Variants in IMMP2L observed in about 807,000 individuals in gnomAD.
IMMP2L encodes the protein mitochondrial inner membrane protease subunit 2.
IMMP2L carries 18 observed loss-of-function variants against 19.3 expected under a neutral mutation model. That is an observed-to-expected ratio of 0.93 (90% CI 0.64 to 1.38). The LOEUF is 1.38. Ranked by LOEUF, IMMP2L falls within the 40% of genes most tolerant of loss-of-function variation. The probability of loss-of-function intolerance (pLI) is 0.00; values close to 1 mark genes in which losing one functional copy is unlikely to be tolerated. For synonymous variants in IMMP2L, 76 were observed against 73.0 expected (o/e 1.04, Z -0.21); for missense variants, 233 against 218.2 (o/e 1.07, Z -0.43).
At chr7:111,209,674 T>G (rs1334329805) in intron 3 of IMMP2L, among the ~76,000 whole-genome samples, 1 of 152,128 alleles carries the variant, frequency 6.6e-6, no homozygotes, top group African/African-American at 2.4e-5. Context: ...AACATAATTG[T>G]GTTAAATAAG....
intron 5 of IMMP2L, among the ~76,000 whole-genome samples, chr7:110,702,753 T>C (rs1794370495): frequency 6.6e-6 from 1 of 152,184 alleles, no homozygotes; most frequent in Admixed American, 6.5e-5. Context: ...TTTTTTTGTA[T>C]ATTGACCTGT....
intron 1 of IMMP2L, among the ~76,000 whole-genome samples, chr7:111,538,055 TTTCC>T (rs1387248734): frequency 6.6e-6 from 1 of 152,092 alleles, no homozygotes; most frequent in Non-Finnish European, 1.5e-5. Context: ...CTGACTTAGA[TTTCC>T]TTCCTATGTG....
chr7:111,127,622 A>G (rs1801445149), intron 3 of IMMP2L, among the ~76,000 whole-genome samples: 1 of 152,160 alleles, frequency 6.6e-6, no homozygotes, highest in Non-Finnish European at 1.5e-5. Context: ...TCTCTCTGTT[A>G]CCTCTTAATC....
chr7:111,285,395 A>G (rs1227365031), intron 3 of IMMP2L, among the ~76,000 whole-genome samples: 1 of 152,180 alleles, frequency 6.6e-6, no homozygotes, highest in East Asian at 1.9e-4. Flanking sequence ...AGCCTTTAAA[A>G]TGATCAGAAA....
intron 3 of IMMP2L, among the ~76,000 whole-genome samples, chr7:111,370,303 T>A (rs1830152300): frequency 6.6e-6 from 1 of 151,482 alleles, no homozygotes; most frequent in Non-Finnish European, 1.5e-5. Context: ...CCTCCAGTAA[T>A]AACATGAATC....
chr7:111,525,984 C>G (rs1846809948), intron 1 of IMMP2L, among the ~76,000 whole-genome samples: 1 of 151,664 alleles, frequency 6.6e-6, no homozygotes, highest in Admixed American at 6.6e-5. Flanking sequence ...CCCCACTCCA[C>G]CCCCACCCCC....
At chr7:110,980,227 C>CTTTTTTTTTTTT (rs1218434499) in intron 3 of IMMP2L, among the ~76,000 whole-genome samples, 33 of 91,896 alleles carry the variant, frequency 3.6e-4, no homozygotes, top group Non-Finnish European at 5.3e-4. Flanking sequence ...TGTGCTGCTT[C>CTTTTTTTTTTTT]TTTTTTTTTT....
In IMMP2L at chr7:110,727,603, G is replaced by T. The variant is rs1312150732; in HGVS notation, c.409-63882C>A. Among the ~76,000 whole-genome samples, 1 of 151,812 alleles carries T rather than the reference G, an allele frequency of 6.6e-6. No homozygotes were observed. Among genetic ancestry groups the T allele is most frequent in the Non-Finnish European group, 1.5e-5 (1 of 67,922 alleles). On this transcript the variant is annotated intron_variant, in intron 5 of 5. Transcript: ENST00000405709. The surrounding 1 kb of genome is among the most constrained non-coding windows in gnomAD (Gnocchi z 4.3). The stretch of plus-strand genomic sequence containing the variant: ...AGACAAGGTAGGGAAAGAGAGAGGA[G>T]ACCAAGTATCCTTTCCCCACTGCAG...
At chr7:110,874,459 G>A (rs954549839) in intron 5 of IMMP2L, among the ~76,000 whole-genome samples, 6 of 151,936 alleles carry the variant, frequency 3.9e-5, no homozygotes, top group Non-Finnish European at 8.8e-5. Flanking sequence ...GCAGTGAGAT[G>A]GTTAGGGGTA....
chr7:110,861,869 G>A (rs988059223), intron 5 of IMMP2L, among the ~76,000 whole-genome samples: 1 of 152,014 alleles, frequency 6.6e-6, no homozygotes, highest in African/African-American at 2.4e-5. Flanking sequence ...TACCAAATAT[G>A]TGTCTATTAT....
rs192784843 is a variant in IMMP2L, at chr7:111,024,473, T to C, written c.240-60908A>G. On this transcript the variant is annotated intron_variant, in intron 3 of 5. Coordinates refer to ENST00000405709, the MANE Select transcript of IMMP2L (RefSeq NM_032549.4). ...AGCTCCATCACCTCAACCCAGGTAGTCTTCTGTGCTCTGTCTGGTTCCTCC... is the reference window on the plus strand; with the variant it reads ...AGCTCCATCACCTCAACCCAGGTAGCCTTCTGTGCTCTGTCTGGTTCCTCC... 1.1e-3 allele frequency among the ~76,000 whole-genome samples: 170 copies of C among 152,300 alleles called. 1 individual carries two copies. Among genetic ancestry groups the C allele is most frequent in the African/African-American group, 4.0e-3 (166 of 41,566 alleles).
intron 3 of IMMP2L, among the ~76,000 whole-genome samples, chr7:110,992,754 T>C (rs1156656889): frequency 6.6e-6 from 1 of 152,158 alleles, no homozygotes; most frequent in African/African-American, 2.4e-5. Context: ...TCTTAGCCAA[T>C]ATCAATACAA....
At chr7:111,313,362 A>G (rs777792978) in intron 3 of IMMP2L, among the ~76,000 whole-genome samples, 10 of 152,154 alleles carry the variant, frequency 6.6e-5, no homozygotes, top group Non-Finnish European at 1.0e-4. Flanking sequence ...CACAGGTTTT[A>G]TATCTTTGCA....
In IMMP2L at chr7:110,960,891, C is replaced by A. The variant is rs530507495; in HGVS notation, c.305+2609G>T. Among the ~76,000 whole-genome samples, 16 of 151,968 alleles carry A rather than the reference C, an allele frequency of 1.1e-4. No individual in the cohort carries two copies. In the South Asian group the frequency reaches 3.1e-3, roughly 30 times the overall value. On this transcript the variant is annotated intron_variant, in intron 4 of 5. Coordinates refer to ENST00000405709, the MANE Select transcript of IMMP2L (RefSeq NM_032549.4). ...GTGCAAATGATCTGAACAGTTATCT[C>A]ACCCAAAAAGAGATATGAATGGAAA...
chr7:110,816,207 C>T (rs1802501624), intron 5 of IMMP2L, among the ~76,000 whole-genome samples: 1 of 152,026 alleles, frequency 6.6e-6, no homozygotes, highest in South Asian at 2.1e-4. Flanking sequence ...TTATTTCTGC[C>T]TTCATTTCAT....
chr7:111,129,412 CTATAT>C (rs563359168), intron 3 of IMMP2L, among the ~76,000 whole-genome samples: 57 of 150,342 alleles, frequency 3.8e-4, no homozygotes, highest in African/African-American at 1.3e-3. Flanking sequence ...ATTATATTTA[CTATAT>C]TATATGTTAT....
chr7:111,425,279 TGAGAGGA>T (rs1835959640), intron 3 of IMMP2L, among the ~76,000 whole-genome samples: 1 of 145,008 alleles, frequency 6.9e-6, no homozygotes, highest in Non-Finnish European at 1.6e-5. Context: ...AGAAGGACCA[TGAGAGGA>T]CTTTCTGGGA....
chr7:111,518,696 T>C (rs1846081718), intron 2 of IMMP2L, among the ~76,000 whole-genome samples: 1 of 152,198 alleles, frequency 6.6e-6, no homozygotes, highest in African/African-American at 2.4e-5. Flanking sequence ...CTCATTATTA[T>C]AATTTCTGCT....
chr7:111,020,128 A>G (rs1484480765), intron 3 of IMMP2L, among the ~76,000 whole-genome samples: 1 of 151,702 alleles, frequency 6.6e-6, no homozygotes, highest in Admixed American at 6.6e-5. Flanking sequence ...TCACACCTGT[A>G]ATCCCAGCAC....
Sources: allele counts gnomAD v4.1 joint callset (sites outside exome capture counted in the v4.1 genomes callset), GRCh38; gene constraint gnomAD v4.1.1; non-coding constraint Gnocchi (gnomAD v3.1); transcripts MANE v1.5; gene names NCBI Gene and HGNC (gene_info 2026-07-23, HGNC 2026-07-21).